The following PTPRT variants were observed in gnomAD, a reference collection of about 807,000 sequenced individuals.
PTPRT encodes receptor-type tyrosine-protein phosphatase T.
In PTPRT, 56 loss-of-function variants were observed where a neutral mutation model predicts 176.8. That is an observed-to-expected ratio of 0.32 (90% CI 0.26 to 0.40). The LOEUF is 0.40. Among genes scored for constraint, PTPRT ranks in the 10% least tolerant of loss-of-function variants. The probability of loss-of-function intolerance (pLI) is 1.00; values close to 1 mark genes in which losing one functional copy is unlikely to be tolerated. For synonymous variants in PTPRT, 783 were observed against 739.0 expected (o/e 1.06, Z -0.96); for missense variants, 1,540 against 1,908.2 (o/e 0.81, Z 3.60).
intron 6 of PTPRT, among the ~76,000 whole-genome samples, chr20:42,740,227 A>T (rs1044825687): frequency 6.6e-6 from 1 of 152,190 alleles, no homozygotes; most frequent in Non-Finnish European, 1.5e-5. Context: ...TAATAGTGCC[A>T]ATGAGGAACA....
At chr20:42,173,953 G>A (rs772278565) in intron 16 of PTPRT, among the ~76,000 whole-genome samples, 26 of 152,080 alleles carry the variant, frequency 1.7e-4, no homozygotes, top group Non-Finnish European at 3.1e-4. Context: ...CCCATAAATA[G>A]ACATTGAAAT....
intron 6 of PTPRT, among the ~76,000 whole-genome samples, chr20:42,720,621 C>T (rs1302241446): frequency 1.3e-5 from 2 of 152,180 alleles, no homozygotes; most frequent in Admixed American, 1.3e-4. Context: ...TCGTGCTTGC[C>T]TCCCCATTAT....
chr20:42,746,431 G>A (rs1239983717), intron 6 of PTPRT, among the ~76,000 whole-genome samples: 1 of 152,120 alleles, frequency 6.6e-6, no homozygotes, highest in Non-Finnish European at 1.5e-5. Flanking sequence ...CACAAACATA[G>A]GCACGCACTT....
rs184987942 is a variant in PTPRT, at chr20:43,075,970, C to G, written c.88+113676G>C. 2.6e-4 allele frequency among the ~76,000 whole-genome samples: 39 copies of G among 152,280 alleles called. No individual in the cohort carries two copies. In the East Asian group the frequency reaches 6.0e-3, roughly 23 times the overall value. On this transcript the variant is annotated intron_variant, in intron 1 of 30. Transcript: ENST00000373187. ...CAAAACTCCAGAATTCTATGCCTTA[C>G]AGAGTTAAAGAACCCCTGGTCAGAG...
chr20:42,792,601 G>T (rs986975339), intron 2 of PTPRT, among the ~76,000 whole-genome samples: 1 of 152,160 alleles, frequency 6.6e-6, no homozygotes, highest in Admixed American at 6.5e-5. Context: ...ACTGCATCAT[G>T]GAACACTGCA....
At chr20:42,351,467 G>A (rs1362382980) in intron 10 of PTPRT, among the ~76,000 whole-genome samples, 1 of 152,112 alleles carries the variant, frequency 6.6e-6, no homozygotes, top group East Asian at 1.9e-4. Context: ...ATGGGATAAA[G>A]ATAAGAGAAA....
chr20:42,217,566 G>T (rs1409996449), intron 15 of PTPRT, among the ~76,000 whole-genome samples: 2 of 152,136 alleles, frequency 1.3e-5, no homozygotes, highest in Non-Finnish European at 2.9e-5. Context: ...TATCATGTAG[G>T]TACCACTGGA....
intron 2 of PTPRT, among the ~76,000 whole-genome samples, chr20:42,832,633 G>A (rs1463922139): frequency 2.7e-5 from 4 of 146,868 alleles, no homozygotes. Flanking sequence ...AACTATACAA[G>A]TATAAATAAA....
intron 8 of PTPRT, among the ~76,000 whole-genome samples, chr20:42,463,357 CT>C (rs1172764373): frequency 6.6e-6 from 1 of 151,812 alleles, no homozygotes; most frequent in Non-Finnish European, 1.5e-5. Flanking sequence ...ACTTTCCATC[CT>C]TTTGACAGAG....
chr20:42,627,141 G>T (rs796576894), intron 7 of PTPRT, among the ~76,000 whole-genome samples: 6 of 151,898 alleles, frequency 4.0e-5, no homozygotes, highest in African/African-American at 1.5e-4. Flanking sequence ...TTTTTGGTAC[G>T]ATTTTATTTT....
intron 8 of PTPRT, among the ~76,000 whole-genome samples, chr20:42,449,004 G>A (rs946685797): frequency 7.2e-5 from 11 of 152,146 alleles, no homozygotes; most frequent in African/African-American, 2.4e-4. Flanking sequence ...TTGTATTTGA[G>A]AAATGCAAAG....
At chr20:42,701,358 G>C (rs529526423) in intron 6 of PTPRT, among the ~76,000 whole-genome samples, 1 of 152,304 alleles carries the variant, frequency 6.6e-6, no homozygotes, top group Admixed American at 6.5e-5. Context: ...CACAACAGTA[G>C]ATTAGTCAGT....
chr20:42,534,188 C>T (rs1044965212), intron 7 of PTPRT, among the ~76,000 whole-genome samples: 2 of 152,178 alleles, frequency 1.3e-5, no homozygotes, highest in East Asian at 1.9e-4. Context: ...TTGAAATATC[C>T]GGCATTTGAG....
chr20:42,317,592 G>A (rs534085011), intron 11 of PTPRT, among the ~76,000 whole-genome samples: 32 of 152,250 alleles, frequency 2.1e-4, no homozygotes, highest in Admixed American at 1.9e-3. Flanking sequence ...AATGAAACGT[G>A]TTGCAGGCTA....
At position 43,143,128 on chromosome 20, in the gene PTPRT, G is replaced by A. The variant is rs4812675; in HGVS notation, c.88+46518C>T. 6.7e-3 allele frequency among the ~76,000 whole-genome samples: 1,018 copies of A among 152,268 alleles called. 27 individuals are homozygous for A. Among genetic ancestry groups the A allele is most frequent in the Admixed American group, 0.049 (757 of 15,300 alleles). On this transcript the variant is annotated intron_variant, in intron 1 of 30. Coordinates refer to ENST00000373187, the MANE Select transcript of PTPRT (RefSeq NM_007050.6). ...TCTCCCCATAAGGAACGGTGTTGAT[G>A]AGCAGGACAATGTTCAGGGGTGGTG...
intron 12 of PTPRT, among the ~76,000 whole-genome samples, chr20:42,307,695 A>G (rs1220931764): frequency 1.3e-5 from 2 of 152,218 alleles, no homozygotes; most frequent in African/African-American, 4.8e-5. Context: ...ACAGGAACAG[A>G]TATCAGGCTT....
intron 2 of PTPRT, among the ~76,000 whole-genome samples, chr20:42,792,518 A>G (rs1400151464): frequency 6.6e-6 from 1 of 152,208 alleles, no homozygotes; most frequent in African/African-American, 2.4e-5. Flanking sequence ...TAGACAAATT[A>G]AAGAGATGAT....
At chr20:42,948,306 C>T (rs146405258) in intron 1 of PTPRT, among the ~76,000 whole-genome samples, 10 of 152,330 alleles carry the variant, frequency 6.6e-5, no homozygotes, top group East Asian at 3.9e-4. Context: ...AGCTGCCCTA[C>T]ACCTTATCAT....
intron 2 of PTPRT, among the ~76,000 whole-genome samples, chr20:42,801,343 T>C (rs1208849398): frequency 2.0e-5 from 3 of 152,146 alleles, no homozygotes; most frequent in African/African-American, 7.2e-5. Flanking sequence ...AATCCTCAAC[T>C]ACTGGAGCTG....
Sources: allele counts gnomAD v4.1 joint callset (sites outside exome capture counted in the v4.1 genomes callset), GRCh38; gene constraint gnomAD v4.1.1; transcripts MANE v1.5; gene names NCBI Gene and HGNC (gene_info 2026-07-23, HGNC 2026-07-21).